Variants in ADAMTS13 observed in about 807,000 individuals in gnomAD.
ADAMTS13 encodes A disintegrin and metalloproteinase with thrombospondin motifs 13.
ADAMTS13 carries 110 observed loss-of-function variants against 155.1 expected under a neutral mutation model. The ratio of observed to expected loss-of-function variants is 0.71; its 90% confidence interval spans 0.61 to 0.83. The LOEUF is 0.83. Among genes scored for constraint, ADAMTS13 ranks in the 40% least tolerant of loss-of-function variants. The pLI is 0.00. For missense variants in ADAMTS13, 1,707 were observed against 1,891.7 expected (o/e 0.90, Z 1.81); for synonymous variants, 758 against 756.4 (o/e 1.00, Z -0.03).
Position 133,437,874 on chromosome 9 carries a change from C to T in ADAMTS13, c.1561C>T (p.Leu521=). 1.9e-6 allele frequency: 3 copies of T among 1,613,784 alleles called. No individual in the cohort carries two copies. Among genetic ancestry groups the T allele is most frequent in the Non-Finnish European group, 2.5e-6 (3 of 1,180,002 alleles). The change falls in exon 13 of 29, where the codon CTG becomes TTG. Residue 521 remains leucine, a synonymous_variant. Coordinates refer to ENST00000355699, the MANE Select transcript of ADAMTS13 (RefSeq NM_139027.6). ...SGPREDGTLS[L]CVSGSCRTFG... The stretch of plus-strand genomic sequence containing the variant: ...CCCCCGGGAGGACGGGACCCTGAGC[C>T]TGTGTGTGTCGGGCAGCTGCAGGGT...
In ADAMTS13 at chr9:133,437,735, C is replaced by G. The variant is rs587711637; in HGVS notation, c.1436-14C>G. 1 of 1,613,688 alleles carries G rather than the reference C, an allele frequency of 6.2e-7. No individual in the cohort carries two copies. The highest frequency in any genetic ancestry group is 8.5e-7 in the Non-Finnish European group (1 of 1,180,028). ...GCTCGGTTCAGGACACCCTTTTTCACTCTGCCCTCCCAGGGGATGCTCTGT... is the reference window on the plus strand; with the variant it reads ...GCTCGGTTCAGGACACCCTTTTTCAGTCTGCCCTCCCAGGGGATGCTCTGT... On this transcript the variant is annotated splice_polypyrimidine_tract_variant and intron_variant, in intron 12 of 28. Coordinates refer to ENST00000355699, the MANE Select transcript of ADAMTS13 (RefSeq NM_139027.6).
intron 23 of ADAMTS13, among the ~76,000 whole-genome samples, 167 bp downstream of exon 23, chr9:133,450,132 T>TAA (rs947278662): frequency 6.8e-6 from 1 of 147,232 alleles, no homozygotes; most frequent in Non-Finnish European, 1.5e-5. Flanking sequence ...ACCTCATCTC[T>TAA]AAAAAAAAAA....
At chr9:133,415,921 CG>C (rs1319949861) in intron 1 of ADAMTS13, 2 of 152,126 alleles carry the variant, frequency 1.3e-5, no homozygotes, top group Non-Finnish European at 2.9e-5. Flanking sequence ...AAGAAGCGCT[CG>C]GGGAGGCTGA....
At chr9:133,421,568 G>A (rs965828968), upstream of ADAMTS13, among the ~76,000 whole-genome samples, 1 of 152,230 alleles carries the variant, frequency 6.6e-6, no homozygotes, top group African/African-American at 2.4e-5. Flanking sequence ...TGCCTGGCTT[G>A]GGGCTGCTTT....
At position 133,456,675 on chromosome 9, in the gene ADAMTS13, T is replaced by A. The variant is rs1842768922; in HGVS notation, c.3680T>A (p.Leu1227Gln). 7 of 1,591,458 alleles carry A rather than the reference T, an allele frequency of 4.4e-6. No homozygotes were observed. The highest frequency in any genetic ancestry group is 6.0e-6 in the Non-Finnish European group (7 of 1,168,644). The change falls in exon 27 of 29, where the codon CTG becomes CAG. Residue 1227 changes from leucine (L) to glutamine (Q), a missense_variant. Leu to Gln is a moderately radical substitution (Grantham distance 113). Around this residue, in one of 3 missense-constraint regions of ADAMTS13, gnomAD observed 961 missense variants for 1,107.9 expected, o/e 0.87. Coordinates refer to ENST00000355699, the MANE Select transcript of ADAMTS13 (RefSeq NM_139027.6). The surrounding 1 kb of genome is among the most constrained non-coding windows in gnomAD (Gnocchi z 4.4). ...TGCGGGCGGCCAGGAGGTGGGGTGC[T>A]GCTGCGGTATGGGAGCCAGCTTGCT... Reference protein sequence around the residue: ...QRCGRPGGGVLLRYGSQLAPE... With the variant: ...QRCGRPGGGVQLRYGSQLAPE...
At chr9:133,427,539 G>C (rs946237729) in intron 6 of ADAMTS13, among the ~76,000 whole-genome samples, 17 of 152,140 alleles carry the variant, frequency 1.1e-4, no homozygotes, top group African/African-American at 3.1e-4. Flanking sequence ...TTCTCCCTCA[G>C]AGGGAGCATA....
At position 133,434,479 on chromosome 9, in the gene ADAMTS13, G is replaced by A. The variant is rs921550449; in HGVS notation, c.1308+775G>A. 6.6e-5 allele frequency among the ~76,000 whole-genome samples: 10 copies of A among 152,086 alleles called. 1 individual carries two copies. The South Asian group carries it at 2.1e-3, about 32-fold the overall frequency. ...CGCCACCACGCCCGGCTAATTTTTT[G>A]TATTTTTAGTAGAGGAGGGGTTTCA... On this transcript the variant is annotated intron_variant, in intron 11 of 28. Transcript: ENST00000355699.
intron 9 of ADAMTS13, 54 bp downstream of exon 9, chr9:133,432,746 C>T: frequency 6.6e-7 from 1 of 1,516,178 alleles, no homozygotes. Flanking sequence ...ACGTGGGTGC[C>T]TCCAGCCAGG....
At chr9:133,436,638 T>C (rs1554789039) in intron 11 of ADAMTS13, among the ~76,000 whole-genome samples, 191 bp from the exon 12 acceptor site, 1 of 151,618 alleles carries the variant, frequency 6.6e-6, no homozygotes, top group Non-Finnish European at 1.5e-5. Context: ...TTCCCCGGGG[T>C]TTTCCCATCA....
rs140739390 is a variant in ADAMTS13 at position 133,451,295 on chromosome 9, T to C, written c.3044+1330T>C. Among the ~76,000 whole-genome samples, 35 of 152,342 alleles carry C rather than the reference T, an allele frequency of 2.3e-4. No individual in the cohort carries two copies. In the East Asian group the frequency reaches 6.8e-3, roughly 29 times the overall value. On this transcript the variant is annotated intron_variant, in intron 23 of 28. Coordinates refer to ENST00000355699, the MANE Select transcript of ADAMTS13 (RefSeq NM_139027.6). The stretch of plus-strand genomic sequence containing the variant: ...AATTTATTTATTTTGAGACGGAGTC[T>C]CGCTTTGTTGCCCAGGCAGTGATGC...
chr9:133,456,787 C>T lies in ADAMTS13; in HGVS notation c.3724+68C>T, dbSNP rs1842774548. ...TGGCAGGGAGGCTGGGTGGGTGCTG[C>T]TGGGGATGGGGCCAGTCCCAGTGGG... is the stretch of plus-strand genomic sequence containing the variant. On this transcript the variant is annotated intron_variant, in intron 27 of 28. Transcript: ENST00000355699. This position sits in a 1 kb window ranked among gnomAD's most constrained non-coding sequence, Gnocchi z 4.4. 6.5e-7 allele frequency: 1 copy of T among 1,533,176 alleles called. No individual in the cohort carries two copies. The highest frequency in any genetic ancestry group is 8.8e-7 in the Non-Finnish European group (1 of 1,133,468). 95.0% of individuals were successfully genotyped at this position (1,533,176 alleles called of 1,614,324 possible). A position where few individuals can be genotyped will look rare whatever the true frequency, so the allele number is the denominator to read the frequency against.
chr9:133,456,080 A>G lies in ADAMTS13; in HGVS notation c.3412A>G (p.Arg1138Gly), dbSNP rs1554795810. 2 of 1,613,244 alleles carry G rather than the reference A, an allele frequency of 1.2e-6. No individual in the cohort carries two copies. Among genetic ancestry groups the G allele is most frequent in the African/African-American group, 2.7e-5 (2 of 75,066 alleles). The change falls in exon 26 of 29, where the codon AGG becomes GGG. Residue 1138 changes from arginine (R) to glycine (G), a missense_variant. Physicochemically the swap from Arg to Gly is moderately radical, Grantham distance 125. Coordinates refer to ENST00000355699, the MANE Select transcript of ADAMTS13 (RefSeq NM_139027.6). The surrounding 1 kb of genome is among the most constrained non-coding windows in gnomAD (Gnocchi z 4.4). ...TGCTCCCTTTTCAGGTGCCTGTGGC[A>G]GGCAGCACCTTGAGCCAACAGGAAC... ...GPCVGQGACGRQHLEPTGTID... is the reference protein window; with the variant it reads ...GPCVGQGACGGQHLEPTGTID...
rs1027062476 is a variant in ADAMTS13 at position 133,456,970 on chromosome 9, T to C, written c.3724+251T>C. ...GGACGGATGTGGGACATGGTCCACA[T>C]CCTCAGTCAGTCCCTCAGGCCTCTG... is the stretch of plus-strand genomic sequence containing the variant. On this transcript the variant is annotated intron_variant, in intron 27 of 28. Coordinates refer to ENST00000355699, the MANE Select transcript of ADAMTS13 (RefSeq NM_139027.6). The surrounding 1 kb of genome is among the most constrained non-coding windows in gnomAD (Gnocchi z 4.4). 3.2e-6 allele frequency: 2 copies of C among 627,720 alleles called. No homozygotes were observed. The highest frequency in any genetic ancestry group is 3.6e-5 in the African/African-American group (2 of 55,930). 38.9% of individuals were successfully genotyped at this position (627,720 alleles called of 1,614,324 possible).
chr9:133,457,016 C>A, intron 27 of ADAMTS13: 1 of 510,182 alleles, frequency 2.0e-6, no homozygotes, highest in Non-Finnish European at 3.6e-6. Flanking sequence ...ACCTGCCCCG[C>A]CCCCACCCCT....
chr9:133,435,119 A>G (rs1554788581), intron 11 of ADAMTS13, among the ~76,000 whole-genome samples: 2 of 151,550 alleles, frequency 1.3e-5, no homozygotes, highest in Non-Finnish European at 2.9e-5. Context: ...CCTGTTTTCA[A>G]TTCTTTTGGC....
At chr9:133,423,765 A>G (rs978136291) in intron 2 of ADAMTS13, among the ~76,000 whole-genome samples, 1 of 152,232 alleles carries the variant, frequency 6.6e-6, no homozygotes, top group Non-Finnish European at 1.5e-5. Flanking sequence ...CCAGAGGCAC[A>G]CTGACCAGTG....
chr9:133,431,092 G>A (rs1840731664), intron 8 of ADAMTS13, among the ~76,000 whole-genome samples: 1 of 152,008 alleles, frequency 6.6e-6, no homozygotes, highest in Admixed American at 6.6e-5. Context: ...CGGCCTTGGA[G>A]TAGCTGGGAC....
chr9:133,428,814 G>C (rs1840477737), intron 7 of ADAMTS13, 43 bp downstream of exon 7: 4 of 1,247,812 alleles, frequency 3.2e-6, no homozygotes. Flanking sequence ...CCTCCAGCCA[G>C]CCCGCTGGGC....
chr9:133,423,682 G>C (rs931780041), intron 2 of ADAMTS13, among the ~76,000 whole-genome samples: 13 of 152,228 alleles, frequency 8.5e-5, no homozygotes, highest in Admixed American at 8.5e-4. Flanking sequence ...GGGGGCCAGA[G>C]GCAGGTGGGC....
Sources: allele counts gnomAD v4.1 joint callset (sites outside exome capture counted in the v4.1 genomes callset), GRCh38; gene constraint gnomAD v4.1.1; regional missense constraint gnomAD v4.1.1; non-coding constraint Gnocchi (gnomAD v3.1); transcripts MANE v1.5; gene names NCBI Gene and HGNC (gene_info 2026-07-23, HGNC 2026-07-21).